CENPO: variants seen among roughly 807,000 people sequenced by gnomAD.
CENPO encodes the protein centromere protein O.
A neutral mutation model predicts 36.1 loss-of-function variants in CENPO; 30 were observed. That is an observed-to-expected ratio of 0.83 (90% CI 0.62 to 1.13). CENPO has a LOEUF of 1.13. Ranked by LOEUF, CENPO falls within the 50% of genes most tolerant of loss-of-function variation. The pLI is 0.00. For missense variants in CENPO, 349 were observed against 357.8 expected (o/e 0.98, Z 0.20); for synonymous variants, 171 against 142.3 (o/e 1.20, Z -1.44).
At chr2:24,818,231 A>G (rs552725807) in intron 7 of CENPO, among the ~76,000 whole-genome samples, 2 of 152,356 alleles carry the variant, frequency 1.3e-5, no homozygotes, top group African/African-American at 2.4e-5. Context: ...AGAGATGCCA[A>G]AAATCCTAAA....
In CENPO at chr2:24,819,976, C is replaced by T. The variant is rs1667303478; in HGVS notation, c.*658C>T. 7.4e-6 allele frequency: 12 copies of T among 1,613,690 alleles called. No homozygotes were observed. The highest frequency in any genetic ancestry group is 9.3e-6 in the Non-Finnish European group (11 of 1,179,836). ...TGGTGGGGCAGTGTGACAGAGGGGC[C>T]ATTGGGGAAGGTGGCTAGCTTATCC... is the stretch of plus-strand genomic sequence containing the variant. On this transcript the variant is annotated 3_prime_UTR_variant, in exon 8 of 8. Coordinates refer to ENST00000380834, the MANE Select transcript of CENPO (RefSeq NM_001322101.2).
At chr2:24,798,444 G>A (rs1209175224) in intron 2 of CENPO, among the ~76,000 whole-genome samples, 9 of 152,034 alleles carry the variant, frequency 5.9e-5, no homozygotes, top group Admixed American at 6.6e-5. Context: ...CATATAGTGC[G>A]TGTCTGTTTC....
At chr2:24,807,286 GTCTTCT>G (rs1264063427) in intron 3 of CENPO, among the ~76,000 whole-genome samples, 2 of 151,920 alleles carry the variant, frequency 1.3e-5, no homozygotes, top group Non-Finnish European at 1.5e-5. Context: ...CTTCTCTTAA[GTCTTCT>G]CTTAAGGTAC....
chr2:24,817,466 C>CAAAAAAAAAAAAAAAAA lies in CENPO; in HGVS notation c.767-194_767-193insAAAAAAAAAAAAAAAAA, dbSNP rs57556645. ...AGTAAGGGGCAGCCTTAGTCCAGAC[C>CAAAAAAAAAAAAAAAAA]AAAAAAAAAAGCTGTATGGGTCCAG... On this transcript the variant is annotated intron_variant, in intron 6 of 7. Transcript: ENST00000380834. 1.5e-4 allele frequency among the ~76,000 whole-genome samples: 17 copies of CAAAAAAAAAAAAAAAAA among 110,068 alleles called. 3 individuals are homozygous for CAAAAAAAAAAAAAAAAA. The highest frequency in any genetic ancestry group is 6.1e-4 in the African/African-American group (14 of 23,136). 72.2% of individuals were successfully genotyped at this position (110,068 alleles called of 152,430 possible).
At chr2:24,803,986 G>GGACTT (rs1666267106) in intron 3 of CENPO, among the ~76,000 whole-genome samples, 1 of 152,116 alleles carries the variant, frequency 6.6e-6, no homozygotes, top group African/African-American at 2.4e-5. Context: ...AGGTCTCTAA[G>GGACTT]GACTTGCTTT....
intron 3 of CENPO, among the ~76,000 whole-genome samples, chr2:24,804,318 C>CT (rs201475922): frequency 0.011 from 1,675 of 152,232 alleles, 35 homozygotes; most frequent in African/African-American, 0.037. Context: ...AGCATTTAGT[C>CT]TATTTACATT....
chr2:24,815,665 A>G lies in CENPO; in HGVS notation c.503A>G (p.Tyr168Cys). 1 of 1,614,026 alleles carries G rather than the reference A, an allele frequency of 6.2e-7. No individual in the cohort carries two copies. Among genetic ancestry groups the G allele is most frequent in the Non-Finnish European group, 8.5e-7 (1 of 1,179,916 alleles). The change falls in exon 5 of 8, where the codon TAT (tyrosine) becomes TGT (cysteine). Residue 168 changes from tyrosine to cysteine, a missense_variant. Transcript: ENST00000380834. The stretch of plus-strand genomic sequence containing the variant: ...CCCCTGGAAGAGATAGCTGCAAAAT[A>G]TTTACAGACCAACATCCAGCACTTC... ...FIPLEEIAAK[Y>C]LQTNIQHFLF...
At chr2:24,805,480 T>C (rs1483992618) in intron 3 of CENPO, among the ~76,000 whole-genome samples, 1 of 152,242 alleles carries the variant, frequency 6.6e-6, no homozygotes, top group Non-Finnish European at 1.5e-5. Flanking sequence ...TCTTTGATGA[T>C]AGTGACGTAC....
At chr2:24,793,669 G>C in intron 1 of CENPO, 168 bp downstream of exon 1, 1 of 1,148,736 alleles carries the variant, frequency 8.7e-7, no homozygotes, top group Non-Finnish European at 1.2e-6. Flanking sequence ...TGGGCGCGGG[G>C]GTGGGCATGG....
chr2:24,815,874 T>C lies in CENPO; in HGVS notation c.594+118T>C. The C allele has an allele frequency of 3.3e-6, 3 of 901,366 alleles. No individual in the cohort carries two copies. In the South Asian group the frequency reaches 5.1e-5, roughly 15 times the overall value. The allele number at this position is 901,366 out of a possible 1,614,324, so 55.8% of individuals were successfully genotyped here. ...GAGTTAGAAGTTTGACCGTTACCTT[T>C]CCGATGCTTGTTTCTTATTTATATA... On this transcript the variant is annotated intron_variant, in intron 5 of 7. Transcript: ENST00000380834.
chr2:24,804,832 T>C (rs1252706602), intron 3 of CENPO, among the ~76,000 whole-genome samples: 2 of 152,162 alleles, frequency 1.3e-5, no homozygotes, highest in Non-Finnish European at 2.9e-5. Flanking sequence ...AGGAGTATCT[T>C]TGTGGCGTTC....
chr2:24,793,657 G>C, intron 1 of CENPO, 156 bp downstream of exon 1: 3 of 1,233,644 alleles, frequency 2.4e-6, no homozygotes, highest in South Asian at 3.1e-5. Context: ...GGGGCCGCGG[G>C]ATGGGCGCGG....
In CENPO at chr2:24,798,118, AG is replaced by A. The variant is rs1358139800; in HGVS notation, c.47-1556del. On this transcript the variant is annotated intron_variant, in intron 2 of 7. Coordinates refer to ENST00000380834, the MANE Select transcript of CENPO (RefSeq NM_001322101.2). ...CAATTCCGAAATCTGAAACACCTCT[AG>A]TCCCAAAACGTTCGGATACTCAACT... Among the ~76,000 whole-genome samples the A allele has an allele frequency of 6.6e-5, 10 of 152,182 alleles. No homozygotes were observed. The East Asian group carries it at 1.9e-3, about 29-fold the overall frequency.
intron 6 of CENPO, among the ~76,000 whole-genome samples, chr2:24,817,210 T>C (rs1371541779): frequency 6.6e-6 from 1 of 152,178 alleles, no homozygotes; most frequent in African/African-American, 2.4e-5. Context: ...CAGCACACAC[T>C]TACTCCTCCC....
At position 24,820,652 on chromosome 2, in the gene CENPO, G is replaced by T; in HGVS notation, c.*1334G>T. On this transcript the variant is annotated 3_prime_UTR_variant, in exon 8 of 8. Transcript: ENST00000380834. ...GGGCCAGGGTGGGAGGCAGGGGCAC[G>T]TGGGAAAGCACTGTTCCGGTTTTGT... 6.3e-7 allele frequency: 1 copy of T among 1,592,210 alleles called. No individual in the cohort carries two copies. Among genetic ancestry groups the T allele is most frequent in the Admixed American group, 1.7e-5 (1 of 58,922 alleles).
intron 3 of CENPO, among the ~76,000 whole-genome samples, chr2:24,809,706 G>A (rs1265372859): frequency 2.6e-5 from 4 of 151,488 alleles, no homozygotes; most frequent in African/African-American, 9.7e-5. Flanking sequence ...AAAAATTTGA[G>A]TATTTGGTTT....
chr2:24,812,836 T>C (rs1666757451), intron 3 of CENPO, among the ~76,000 whole-genome samples: 1 of 152,042 alleles, frequency 6.6e-6, no homozygotes, highest in East Asian at 1.9e-4. Flanking sequence ...CCTTGGCATC[T>C]GTTCTGTTGT....
rs1032922832 is a variant in CENPO at position 24,817,572 on chromosome 2, G to A, written c.767-98G>A. 3.2e-5 allele frequency: 48 copies of A among 1,499,478 alleles called. 1 individual carries two copies. Among genetic ancestry groups the A allele is most frequent in the Non-Finnish European group, 3.9e-5 (43 of 1,103,130 alleles). 92.9% of individuals were successfully genotyped at this position (1,499,478 alleles called of 1,614,324 possible). On this transcript the variant is annotated intron_variant, in intron 6 of 7. Coordinates refer to ENST00000380834, the MANE Select transcript of CENPO (RefSeq NM_001322101.2). The stretch of plus-strand genomic sequence containing the variant: ...ATTGAATGTCAGTGATCCAGGCTCC[G>A]ATTCCCCCAGCTGCACTGAATGAGA...
At chr2:24,806,025 G>A (rs1256745012) in intron 3 of CENPO, among the ~76,000 whole-genome samples, 2 of 152,236 alleles carry the variant, frequency 1.3e-5, no homozygotes, top group East Asian at 3.9e-4. Flanking sequence ...CGGCAAGGGC[G>A]GGCGCCCCTC....
Sources: gnomAD v4.1 joint callset for allele counts (sites outside exome capture counted in the v4.1 genomes callset) on GRCh38, gnomAD v4.1.1 for gene constraint, MANE v1.5 for transcripts, NCBI Gene and HGNC (gene_info 2026-07-23, HGNC 2026-07-21) for gene names.